Variants in EDRF1 observed in about 807,000 individuals in gnomAD.
EDRF1 encodes the protein erythroid differentiation-related factor 1.
In EDRF1, 69 loss-of-function variants were observed where a neutral mutation model predicts 148.7. The ratio of observed to expected loss-of-function variants is 0.46; its 90% CI spans 0.38 to 0.57. The LOEUF (loss-of-function observed/expected upper bound fraction) is 0.57, where lower values mean the gene tolerates loss of function less well. Ranked by LOEUF, EDRF1 falls within the 20% of genes least tolerant of loss-of-function variation. EDRF1 has a pLI of 0.00. For synonymous variants in EDRF1, 515 were observed against 532.8 expected (o/e 0.97, Z 0.46); for missense variants, 1,118 against 1,478.7 (o/e 0.76, Z 4.00).
chr10:125,734,842 T>C (rs1406414858), intron 12 of EDRF1, among the ~76,000 whole-genome samples: 1 of 152,194 alleles, frequency 6.6e-6, no homozygotes, highest in East Asian at 1.9e-4. Context: ...ATTTGTTGTA[T>C]CCTGTTCAAA....
chr10:125,744,404 G>C (rs766947546), intron 18 of EDRF1, among the ~76,000 whole-genome samples: 1 of 152,048 alleles, frequency 6.6e-6, no homozygotes. Context: ...GGCTGGTCTC[G>C]GACTCCTGGC....
At chr10:125,725,207 G>A in intron 4 of EDRF1, 111 bp from the exon 5 acceptor site, 6 of 1,289,536 alleles carry the variant, frequency 4.7e-6, no homozygotes, top group Non-Finnish European at 6.7e-6. Context: ...ATGAGTATGT[G>A]TTTATGAAAC....
intron 23 of EDRF1, 98 bp downstream of exon 23, chr10:125,753,012 TACAC>T: frequency 1.2e-6 from 1 of 800,158 alleles, no homozygotes. Context: ...TGGGTATATA[TACAC>T]ACATGTACAT....
chr10:125,742,917 T>C, intron 17 of EDRF1, 141 bp from the exon 18 acceptor site: 1 of 1,362,482 alleles, frequency 7.3e-7, no homozygotes, highest in Non-Finnish European at 9.8e-7. Context: ...AACTTAAATA[T>C]TGTTGTATTG....
rs1848218748 is a variant in EDRF1 at position 125,725,580 on chromosome 10, G to A, written c.636-102G>A. On this transcript the variant is annotated intron_variant, in intron 5 of 24. Coordinates refer to ENST00000356792, the MANE Select transcript of EDRF1 (RefSeq NM_001202438.2). ...TTTGTTTCATATTTCTTTTTTACAAGATGTATGCTTAATTACAGATTGTAG... is the reference window on the plus strand; with the variant it reads ...TTTGTTTCATATTTCTTTTTTACAAAATGTATGCTTAATTACAGATTGTAG... 1.9e-6 allele frequency: 3 copies of A among 1,567,278 alleles called. No individual in the cohort carries two copies. The East Asian group carries it at 6.8e-5, about 35-fold the overall frequency.
intron 17 of EDRF1, chr10:125,742,459 A>G (rs1351932443): frequency 7.7e-6 from 8 of 1,042,114 alleles, no homozygotes; most frequent in Non-Finnish European, 9.3e-6. Context: ...AGAGGAGTAT[A>G]CTGGGGGAGA....
At chr10:125,736,516 A>C (rs1011645563) in intron 13 of EDRF1, among the ~76,000 whole-genome samples, 2 of 152,196 alleles carry the variant, frequency 1.3e-5, no homozygotes, top group African/African-American at 4.8e-5. Flanking sequence ...CAGCCTTAAG[A>C]GTTCTGGCTG....
chr10:125,721,660 G>A (rs1212459399), intron 2 of EDRF1, among the ~76,000 whole-genome samples: 1 of 152,154 alleles, frequency 6.6e-6, no homozygotes, highest in African/African-American at 2.4e-5. Flanking sequence ...GATGAGTTTT[G>A]ACTGCCAAAG....
rs147846900 is a variant in EDRF1, at chr10:125,746,010, C to T, written c.2814+80C>T. On this transcript the variant is annotated intron_variant, in intron 19 of 24. Coordinates refer to ENST00000356792, the MANE Select transcript of EDRF1 (RefSeq NM_001202438.2). ...ACATTTTGCCAGTTTCACTAAAATA[C>T]TATAAAACTAAAAATAATTAAACTC... is the stretch of plus-strand genomic sequence containing the variant. 4.6e-6 allele frequency: 6 copies of T among 1,312,702 alleles called. No individual in the cohort carries two copies. The Admixed American group carries it at 8.7e-5, about 19-fold the overall frequency. The allele number at this position is 1,312,702 out of a possible 1,614,324, so 81.3% of individuals were successfully genotyped here. A position where few individuals can be genotyped will look rare whatever the true frequency, so the allele number is the denominator to read the frequency against.
At chr10:125,724,976 A>G (rs1009452477) in intron 4 of EDRF1, among the ~76,000 whole-genome samples, 2 of 152,228 alleles carry the variant, frequency 1.3e-5, no homozygotes, top group Non-Finnish European at 2.9e-5. Flanking sequence ...AACAAATCAC[A>G]GGCCTTGCTC....
At position 125,748,590 on chromosome 10, in the gene EDRF1, T is replaced by C. The variant is rs201485829; in HGVS notation, c.3123+578T>C. On this transcript the variant is annotated intron_variant, in intron 21 of 24. Coordinates refer to ENST00000356792, the MANE Select transcript of EDRF1 (RefSeq NM_001202438.2). The stretch of plus-strand genomic sequence containing the variant: ...GTTTTTTTGTTTGTTTTGTTGATTT[T>C]CCCCCCCCGTAAGGTAAGACTACTT... 4.0e-3 allele frequency: 639 copies of C among 160,314 alleles called. 1 individual carries two copies. The highest frequency in any genetic ancestry group is 0.012 in the African/African-American group (493 of 41,154). The allele number at this position is 160,314 out of a possible 1,614,324, so 9.9% of individuals were successfully genotyped here. A position where few individuals can be genotyped will look rare whatever the true frequency, so the allele number is the denominator to read the frequency against.
chr10:125,742,300 G>A, intron 17 of EDRF1: 9 of 1,285,868 alleles, frequency 7.0e-6, no homozygotes, highest in South Asian at 2.5e-5. Context: ...GTGTAACCAC[G>A]CTGCCATTAA....
At chr10:125,742,623 T>C in intron 17 of EDRF1, 1 of 985,424 alleles carries the variant, frequency 1.0e-6, no homozygotes, top group Non-Finnish European at 1.2e-6. Context: ...TTTACTCTAG[T>C]CCCCACTAGA....
chr10:125,733,516 G>T lies in EDRF1; in HGVS notation c.1241G>T (p.Cys414Phe). 6.3e-7 allele frequency: 1 copy of T among 1,599,534 alleles called. No individual in the cohort carries two copies. The highest frequency in any genetic ancestry group is 8.6e-7 in the Non-Finnish European group (1 of 1,167,012). Residue 414 changes from cysteine (C) to phenylalanine (F), a missense_variant, in exon 10 of 25, where the codon TGT becomes TTT. By Grantham distance (205) the Cys-to-Phe change is radical. Coordinates refer to ENST00000356792, the MANE Select transcript of EDRF1 (RefSeq NM_001202438.2). ...ATTTTATCATTTTTGAAATCTAATT[G>T]TACCAAAGAAGGACATACCTATTGG... is the stretch of plus-strand genomic sequence containing the variant. ...QNILSFLKSN[C>F]TKEGHTYWLF...
rs1589817888 is a variant in EDRF1, at chr10:125,723,970, T to C, written c.510+34T>C. On this transcript the variant is annotated intron_variant, in intron 4 of 24. Transcript: ENST00000356792. ...TTTGTGAAAAAATCCAACAAAACAT[T>C]AACAGCTTAAGAGCACTAGAAATAC... 5 of 1,610,700 alleles carry C rather than the reference T, an allele frequency of 3.1e-6. No individual in the cohort carries two copies. The South Asian group carries it at 5.5e-5, about 18-fold the overall frequency.
At chr10:125,748,296 C>T in intron 21 of EDRF1, 2 of 474,368 alleles carry the variant, frequency 4.2e-6, no homozygotes, top group Non-Finnish European at 7.7e-6. Flanking sequence ...TCTGTGTTGG[C>T]ACACGTAGCT....
At chr10:125,750,354 A>G (rs1211197392) in intron 22 of EDRF1, 1 of 152,260 alleles carries the variant, frequency 6.6e-6, no homozygotes, top group Non-Finnish European at 1.5e-5. Flanking sequence ...ATGCTTTCTT[A>G]TGTTATTTTC....
intron 22 of EDRF1, among the ~76,000 whole-genome samples, chr10:125,750,062 A>C (rs997701055): frequency 1.3e-5 from 2 of 152,066 alleles, no homozygotes; most frequent in African/African-American, 4.8e-5. Context: ...AATCACTTGA[A>C]CCCAGGAGGC....
chr10:125,763,718 G>A lies in EDRF1; in HGVS notation c.*246G>A, dbSNP rs926482950. The A allele has an allele frequency of 4.6e-5, 25 of 547,280 alleles. No individual in the cohort carries two copies. Among genetic ancestry groups the A allele is most frequent in the Non-Finnish European group, 8.2e-5 (25 of 305,992 alleles). 33.9% of individuals were successfully genotyped at this position (547,280 alleles called of 1,614,324 possible). A position where few individuals can be genotyped will look rare whatever the true frequency, so the allele number is the denominator to read the frequency against. ...TATTTATGTCTTTGAGAAGTATGTA[G>A]TACCTCGGTATTAACAGACCTGCTG... On this transcript the variant is annotated 3_prime_UTR_variant, in exon 25 of 25. Transcript: ENST00000356792. This position sits in a 1 kb window ranked among gnomAD's most constrained non-coding sequence, Gnocchi z 4.3.
Sources: gnomAD v4.1 joint callset for allele counts (sites outside exome capture counted in the v4.1 genomes callset) on GRCh38, gnomAD v4.1.1 for gene constraint, Gnocchi (gnomAD v3.1) non-coding constraint, MANE v1.5 for transcripts, NCBI Gene and HGNC (gene_info 2026-07-23, HGNC 2026-07-21) for gene names.